Variants in VWA8 observed in about 807,000 individuals in gnomAD.
VWA8 encodes von Willebrand factor A domain containing 8.
VWA8 carries 221 observed loss-of-function variants against 241.5 expected under a neutral mutation model. That is an observed-to-expected ratio of 0.91 (90% confidence interval 0.82 to 1.02). VWA8 has a LOEUF of 1.02. Among genes scored for constraint, VWA8 ranks in the 50% least tolerant of loss-of-function variants. The pLI is 0.00. For missense variants in VWA8, 2,322 were observed against 2,328.7 expected (o/e 1.00, Z 0.06); for synonymous variants, 852 against 827.1 (o/e 1.03, Z -0.52).
At chr13:41,905,229 G>A (rs1160366385) in intron 4 of VWA8, 2 of 151,698 alleles carry the variant, frequency 1.3e-5, no homozygotes, top group East Asian at 3.9e-4. Context: ...TTTTTTTTAA[G>A]GGACTTCTTC....
intron 2 of VWA8, among the ~76,000 whole-genome samples, chr13:41,947,944 A>C (rs1353043068): frequency 6.7e-6 from 1 of 148,846 alleles, no homozygotes; most frequent in Non-Finnish European, 1.5e-5. Flanking sequence ...AAAAAAAAAA[A>C]AAAAAAAAAC....
intron 40 of VWA8, among the ~76,000 whole-genome samples, chr13:41,598,371 A>T (rs2044501345): frequency 6.6e-6 from 1 of 152,058 alleles, no homozygotes; most frequent in East Asian, 1.9e-4. Context: ...TTAAATTCAT[A>T]ATTTTTAATA....
chr13:41,808,931 A>C (rs1289354326), intron 17 of VWA8, among the ~76,000 whole-genome samples: 1 of 152,194 alleles, frequency 6.6e-6, no homozygotes, highest in Non-Finnish European at 1.5e-5. Context: ...CAAAATCAAC[A>C]TACAAAAATC....
At chr13:41,721,286 TAA>T (rs1158570826) in intron 25 of VWA8, 82 bp downstream of exon 25, 1 of 1,389,398 alleles carries the variant, frequency 7.2e-7, no homozygotes, top group Non-Finnish European at 9.9e-7. Flanking sequence ...TTATGGAAAT[TAA>T]AAACTCTGGT....
In VWA8 at chr13:41,567,315, C is replaced by CT. The variant is rs2044267837; in HGVS notation, c.*881dup. 1.3e-5 allele frequency: 2 copies of CT among 152,106 alleles called. No individual in the cohort carries two copies. The highest frequency in any genetic ancestry group is 6.5e-5 in the Admixed American group (1 of 15,268). The allele number at this position is 152,106 out of a possible 1,614,324, so 9.4% of individuals were successfully genotyped here. On this transcript the variant is annotated 3_prime_UTR_variant, in exon 45 of 45. Transcript: ENST00000379310. ...CTTCAAATATACCACCTTGATTTTA[C>CT]TTTTTTTACTTTGCTTTAGGTAATT...
chr13:41,920,372 A>T (rs1330227517), intron 2 of VWA8, among the ~76,000 whole-genome samples: 1 of 152,190 alleles, frequency 6.6e-6, no homozygotes. Flanking sequence ...AGCTGTTAGA[A>T]AGTGCTTCAG....
At chr13:41,905,514 T>C (rs1233493989) in intron 4 of VWA8, among the ~76,000 whole-genome samples, 2 of 152,124 alleles carry the variant, frequency 1.3e-5, no homozygotes, top group African/African-American at 4.8e-5. Context: ...TTAATTTGCA[T>C]TTTAATGTAA....
At chr13:41,640,104 C>A (rs1169025834) in intron 37 of VWA8, among the ~76,000 whole-genome samples, 1 of 152,196 alleles carries the variant, frequency 6.6e-6, no homozygotes, top group Non-Finnish European at 1.5e-5. Flanking sequence ...ACAACTCCCT[C>A]CCCCGCTCCT....
chr13:41,748,676 A>C (rs1593742078), intron 21 of VWA8, among the ~76,000 whole-genome samples: 1 of 152,280 alleles, frequency 6.6e-6, no homozygotes, highest in East Asian at 1.9e-4. Flanking sequence ...GACCAATGGA[A>C]CAGAACAGAG....
At chr13:41,754,003 T>C (rs1482231937) in intron 21 of VWA8, among the ~76,000 whole-genome samples, 2 of 152,122 alleles carry the variant, frequency 1.3e-5, no homozygotes, top group Non-Finnish European at 1.5e-5. Flanking sequence ...GTATGTAAAA[T>C]GTTATGGCAA....
intron 2 of VWA8, among the ~76,000 whole-genome samples, chr13:41,946,213 T>TA (rs899335804): frequency 4.0e-4 from 57 of 143,254 alleles, no homozygotes; most frequent in Middle Eastern, 3.5e-3. Flanking sequence ...TTTCCAAATT[T>TA]AAAAAAAAAA....
intron 42 of VWA8, among the ~76,000 whole-genome samples, chr13:41,577,608 G>A (rs1049767464): frequency 2.6e-5 from 4 of 152,184 alleles, no homozygotes; most frequent in African/African-American, 7.2e-5. Flanking sequence ...ATTTGACAAC[G>A]GTCATGGCAG....
chr13:41,763,905 C>T (rs116244456), intron 20 of VWA8, among the ~76,000 whole-genome samples: 1,651 of 152,220 alleles, frequency 0.011, 32 homozygotes, highest in African/African-American at 0.038. Context: ...GTCCCAGCTG[C>T]CACTAAGGAG....
chr13:41,658,873 T>C lies in VWA8; in HGVS notation c.4611+12073A>G, dbSNP rs548245154. Among the ~76,000 whole-genome samples, 20 of 152,322 alleles carry C rather than the reference T, an allele frequency of 1.3e-4. No homozygotes were observed. In the East Asian group the frequency reaches 3.9e-3, roughly 29 times the overall value. The stretch of plus-strand genomic sequence containing the variant: ...CTGGAAAGTGAGCAGTAATATTACA[T>C]GGGAGAAGGCCTATTCTTATACCTG... On this transcript the variant is annotated intron_variant, in intron 37 of 44. Transcript: ENST00000379310.
chr13:41,583,321 T>C (rs1248775255), intron 42 of VWA8, among the ~76,000 whole-genome samples: 1 of 151,974 alleles, frequency 6.6e-6, no homozygotes, highest in African/African-American at 2.4e-5. Flanking sequence ...AATGGCACCA[T>C]GAGAAAGCAA....
chr13:41,764,204 A>AT (rs754260122), intron 20 of VWA8, among the ~76,000 whole-genome samples: 83 of 152,164 alleles, frequency 5.5e-4, no homozygotes, highest in Admixed American at 9.8e-4. Flanking sequence ...TGATGGCTTC[A>AT]TTTTTTCCCT....
chr13:41,817,896 T>C (rs1870767462), intron 15 of VWA8, among the ~76,000 whole-genome samples: 2 of 152,236 alleles, frequency 1.3e-5, no homozygotes, highest in Non-Finnish European at 2.9e-5. Context: ...ATTGTATATA[T>C]GCTGTTTAAT....
chr13:41,697,344 C>G (rs535406569), intron 29 of VWA8, among the ~76,000 whole-genome samples: 3 of 152,302 alleles, frequency 2.0e-5, no homozygotes, highest in African/African-American at 7.2e-5. Flanking sequence ...CCAGAGAAAT[C>G]CTTTAATCAT....
intron 44 of VWA8, 94 bp from the exon 45 acceptor site, chr13:41,568,399 T>C: frequency 2.0e-6 from 2 of 976,414 alleles, no homozygotes; most frequent in South Asian, 3.0e-5. Context: ...AATGGTTTCT[T>C]AGGAAAGGAA....
Sources: allele counts gnomAD v4.1 joint callset (sites outside exome capture counted in the v4.1 genomes callset), GRCh38; gene constraint gnomAD v4.1.1; transcripts MANE v1.5; gene names NCBI Gene and HGNC (gene_info 2026-07-23, HGNC 2026-07-21).